Variants in FARS2 observed in about 807,000 individuals in gnomAD.
The protein encoded by FARS2 is phenylalanine--tRNA ligase, mitochondrial.
A neutral mutation model predicts 46.4 loss-of-function variants in FARS2; 40 were observed. That is an observed-to-expected ratio of 0.86 (90% CI 0.67 to 1.12). The LOEUF is 1.12. Ranked by LOEUF, FARS2 falls within the 50% of genes most tolerant of loss-of-function variation. The pLI is 0.00. For synonymous variants in FARS2, 234 were observed against 214.9 expected, an observed-to-expected ratio of 1.09 and a Z score of -0.78; for missense variants, 513 against 567.9, an observed-to-expected ratio of 0.90 and a Z score of 0.98.
At chr6:5,272,849 A>C (rs1372039259) in intron 1 of FARS2, among the ~76,000 whole-genome samples, 2 of 152,142 alleles carry the variant, frequency 1.3e-5, no homozygotes, top group African/African-American at 4.8e-5. Flanking sequence ...CCACCAGTCT[A>C]TTCTCTCTTT....
chr6:5,425,187 T>A (rs1286895192), intron 3 of FARS2, among the ~76,000 whole-genome samples: 5 of 152,140 alleles, frequency 3.3e-5, no homozygotes, highest in East Asian at 1.9e-4. Flanking sequence ...TTTTAAAAAA[T>A]TATTCATGGA....
intron 1 of FARS2, among the ~76,000 whole-genome samples, chr6:5,274,751 C>G (rs757361239): frequency 1.3e-5 from 2 of 152,128 alleles, no homozygotes; most frequent in Non-Finnish European, 2.9e-5. Flanking sequence ...TGCTCTGTCA[C>G]CCCAGCTGGA....
rs1012337519 is a variant in FARS2 at position 5,538,655 on chromosome 6, A to G, written c.905-6525A>G. Among the ~76,000 whole-genome samples the G allele has an allele frequency of 4.6e-5, 7 of 152,328 alleles. No homozygotes were observed. The South Asian group carries it at 6.2e-4, about 14-fold the overall frequency. On this transcript the variant is annotated intron_variant, in intron 4 of 6. Coordinates refer to ENST00000274680, the MANE Select transcript of FARS2 (RefSeq NM_006567.5). Reference sequence around the variant, plus strand: ...TTCCTGAAGCCTCCTACAGAAAACTATATGATAGAGTGGTCACGTCCTTCA... The same window carrying G: ...TTCCTGAAGCCTCCTACAGAAAACTGTATGATAGAGTGGTCACGTCCTTCA...
chr6:5,471,741 A>G lies in FARS2; in HGVS notation c.904+40569A>G, dbSNP rs561236856. 6.6e-5 allele frequency among the ~76,000 whole-genome samples: 10 copies of G among 152,280 alleles called. No homozygotes were observed. Among genetic ancestry groups the G allele is most frequent in the South Asian group, 6.2e-4 (3 of 4,818 alleles). On this transcript the variant is annotated intron_variant, in intron 4 of 6. Transcript: ENST00000274680. The surrounding 1 kb of genome is among the most constrained non-coding windows in gnomAD (Gnocchi z 4.1). ...ATGTGGTGATTAGAGCTGGGCTTCA[A>G]TCAGCTGGATGATTCCCCAAGGCAG... is the stretch of plus-strand genomic sequence containing the variant.
At chr6:5,519,756 T>C (rs1273332678) in intron 4 of FARS2, among the ~76,000 whole-genome samples, 1 of 152,234 alleles carries the variant, frequency 6.6e-6, no homozygotes, top group Non-Finnish European at 1.5e-5. Context: ...TCTCCTTATG[T>C]CATCAAATTT....
At chr6:5,371,282 C>T (rs772294728) in intron 2 of FARS2, 36 of 569,598 alleles carry the variant, frequency 6.3e-5, no homozygotes, top group East Asian at 1.4e-4. Flanking sequence ...AATGTTTTTT[C>T]GTCTTTCAGT....
In FARS2 at chr6:5,764,929, G is replaced by A. The variant is rs1019593453; in HGVS notation, c.1218-6362G>A. Among the ~76,000 whole-genome samples the A allele has an allele frequency of 6.6e-6, 1 of 152,220 alleles. No individual in the cohort carries two copies. Among genetic ancestry groups the A allele is most frequent in the African/African-American group, 2.4e-5 (1 of 41,462 alleles). ...TTCTTGGCACACTTTGAACTGGAGAGCAGTGACACTCTTGGCAGTGCTTTT... is the reference window on the plus strand; with the variant it reads ...TTCTTGGCACACTTTGAACTGGAGAACAGTGACACTCTTGGCAGTGCTTTT... On this transcript the variant is annotated intron_variant, in intron 6 of 6. Transcript: ENST00000274680. This position sits in a 1 kb window ranked among gnomAD's most constrained non-coding sequence, Gnocchi z 4.1.
At chr6:5,564,594 A>G (rs1018040654) in intron 5 of FARS2, among the ~76,000 whole-genome samples, 1 of 152,222 alleles carries the variant, frequency 6.6e-6, no homozygotes, top group Non-Finnish European at 1.5e-5. Context: ...ATTTTTGGTA[A>G]AAACTAGTTA....
chr6:5,414,212 G>A (rs1762090731), intron 3 of FARS2, among the ~76,000 whole-genome samples: 1 of 152,108 alleles, frequency 6.6e-6, no homozygotes, highest in South Asian at 2.1e-4. Flanking sequence ...AACAGATTGG[G>A]GAAAACACTT....
Position 5,744,116 on chromosome 6 carries a change from G to A in FARS2, c.1218-27175G>A, listed in dbSNP as rs181728714. On this transcript the variant is annotated intron_variant, in intron 6 of 6. Coordinates refer to ENST00000274680, the MANE Select transcript of FARS2 (RefSeq NM_006567.5). ...AGTGGTTTGTGAGGGGAAGGTGTGC[G>A]AGATCTGAGGACCTCTGGGAGTGAT... Among the ~76,000 whole-genome samples the A allele has an allele frequency of 1.4e-4, 21 of 152,320 alleles. No homozygotes were observed. The East Asian group carries it at 2.1e-3, about 15-fold the overall frequency.
intron 4 of FARS2, among the ~76,000 whole-genome samples, chr6:5,519,646 T>C (rs6920599): frequency 0.034 from 5,165 of 152,262 alleles, 134 homozygotes; most frequent in African/African-American, 0.068. Context: ...AGTTCTGTAT[T>C]CCAAGTATCC....
At chr6:5,260,754 A>G (rs745708929), upstream of FARS2, 5 of 1,536,118 alleles carry the variant, frequency 3.3e-6, no homozygotes, top group South Asian at 4.8e-5. Flanking sequence ...AAAAAAAATA[A>G]ACGGGTCCTC....
chr6:5,264,367 C>T (rs560355001), intron 1 of FARS2, among the ~76,000 whole-genome samples: 1 of 152,302 alleles, frequency 6.6e-6, no homozygotes, highest in South Asian at 2.1e-4. Context: ...AGGGGGAAGA[C>T]CTTAGATATC....
At chr6:5,574,105 CTTTA>C (rs1772818376) in intron 5 of FARS2, among the ~76,000 whole-genome samples, 1 of 152,130 alleles carries the variant, frequency 6.6e-6, no homozygotes, top group Non-Finnish European at 1.5e-5. Context: ...TCAACTACTT[CTTTA>C]TTAAAATCAC....
At chr6:5,406,263 T>C (rs1298405446) in intron 3 of FARS2, among the ~76,000 whole-genome samples, 1 of 152,230 alleles carries the variant, frequency 6.6e-6, no homozygotes, top group African/African-American at 2.4e-5. Context: ...ATATCTAAAG[T>C]GTACATTTTG....
intron 6 of FARS2, among the ~76,000 whole-genome samples, chr6:5,649,156 T>C (rs1053340120): frequency 2.0e-5 from 3 of 152,082 alleles, no homozygotes; most frequent in Admixed American, 6.6e-5. Context: ...AATTAATGAG[T>C]CTTGCAGAAT....
intron 5 of FARS2, among the ~76,000 whole-genome samples, chr6:5,569,209 A>G (rs563680375): frequency 1.1e-4 from 17 of 150,954 alleles, no homozygotes; most frequent in African/African-American, 3.9e-4. Flanking sequence ...TGATGAGTTC[A>G]ATTTTGGCCA....
chr6:5,270,972 T>C (rs897542698), intron 1 of FARS2, among the ~76,000 whole-genome samples: 1 of 152,246 alleles, frequency 6.6e-6, no homozygotes, highest in Non-Finnish European at 1.5e-5. Flanking sequence ...TACATCTTCC[T>C]CTGTTAAGCT....
chr6:5,645,129 G>T (rs1328561434), intron 6 of FARS2, among the ~76,000 whole-genome samples: 1 of 152,184 alleles, frequency 6.6e-6, no homozygotes, highest in African/African-American at 2.4e-5. Context: ...GGTTACTTCT[G>T]CAAAGCTTCT....
Sources: gnomAD v4.1 joint callset for allele counts (sites outside exome capture counted in the v4.1 genomes callset) on GRCh38, gnomAD v4.1.1 for gene constraint, Gnocchi (gnomAD v3.1) non-coding constraint, MANE v1.5 for transcripts, NCBI Gene and HGNC (gene_info 2026-07-23, HGNC 2026-07-21) for gene names.